LYZL6: variants seen among roughly 807,000 people sequenced by gnomAD.
LYZL6 encodes the protein lysozyme like 6.
In LYZL6, 21 loss-of-function variants were observed where a neutral mutation model predicts 15.0. The ratio of observed to expected loss-of-function variants is 1.40; its 90% CI spans 1.00 to 2.02. The LOEUF is 2.02. Ranked by LOEUF, LYZL6 falls within the 30% of genes most tolerant of loss-of-function variation. The pLI is 0.00. For missense variants in LYZL6, 173 were observed against 180.5 expected (o/e 0.96, Z 0.24); for synonymous variants, 72 against 67.8 (o/e 1.06, Z -0.31).
At chr17:35,936,154 A>G (rs2089371024) in intron 4 of LYZL6, among the ~76,000 whole-genome samples, 2 of 152,304 alleles carry the variant, frequency 1.3e-5, no homozygotes, top group South Asian at 4.1e-4. Context: ...TTATGGCCAC[A>G]GGGCCCGAGC....
chr17:35,937,901 A>G lies in LYZL6; in HGVS notation c.155T>C (p.Phe52Ser), dbSNP rs1286928470. The G allele has an allele frequency of 6.2e-7, 1 of 1,613,940 alleles. No homozygotes were observed. The highest frequency in any genetic ancestry group is 1.7e-5 in the Admixed American group (1 of 60,032). ...TGATATGTTGAACTTGCTTTCCACA[A>G]AAGCCAGGCACAGCCCTTAGAGTAG... ...YSLSDWLCLA[F>S]VESKFNISKI... The change falls in exon 3 of 5, where the codon TTT becomes TCT. Residue 52 changes from phenylalanine (F) to serine (S), a missense_variant. Coordinates refer to ENST00000615905, the MANE Select transcript of LYZL6 (RefSeq NM_020426.4).
chr17:35,940,942 T>C (rs1039870580), intron 1 of LYZL6, among the ~76,000 whole-genome samples: 3 of 152,252 alleles, frequency 2.0e-5, no homozygotes, highest in African/African-American at 7.2e-5. Context: ...GTTGTTTCTA[T>C]TTTTGGCTAT....
At chr17:35,942,042 C>T (rs977510388) in intron 1 of LYZL6, among the ~76,000 whole-genome samples, 11 of 119,552 alleles carry the variant, frequency 9.2e-5, no homozygotes, top group East Asian at 3.5e-4. Context: ...GAGGACACAT[C>T]GCTTATGCAA....
chr17:35,936,744 G>A lies in LYZL6; in HGVS notation c.377+11C>T, dbSNP rs2089376546. 2 of 1,612,236 alleles carry A rather than the reference G, an allele frequency of 1.2e-6. No homozygotes were observed. The highest frequency in any genetic ancestry group is 1.7e-5 in the Admixed American group (1 of 60,026). On this transcript the variant is annotated intron_variant, in intron 4 of 4. Coordinates refer to ENST00000615905, the MANE Select transcript of LYZL6 (RefSeq NM_020426.4). ...GGCTCTGCCCGCTGAGTCCCACCGT[G>A]TCCTCCTCACCAGTTGTTCATCCCC...
intron 1 of LYZL6, 131 bp from the exon 2 acceptor site, chr17:35,939,689 G>T (rs1328786034): frequency 6.1e-6 from 1 of 163,858 alleles, no homozygotes; most frequent in African/African-American, 2.4e-5. Flanking sequence ...TAGAGATGGG[G>T]GTCTCACTCT....
At position 35,934,570 on chromosome 17, in the gene LYZL6, T is replaced by C. The variant is rs976996285; in HGVS notation, c.*226A>G. ...GATAAATATAAAGATTTCTTTATTG[T>C]GGTCCTCAGTTTACAAATAACAGAC... On this transcript the variant is annotated 3_prime_UTR_variant, in exon 5 of 5. Transcript: ENST00000615905. 15 of 543,276 alleles carry C rather than the reference T, an allele frequency of 2.8e-5. No individual in the cohort carries two copies. The highest frequency in any genetic ancestry group is 1.7e-4 in the African/African-American group (9 of 53,028). 33.7% of individuals were successfully genotyped at this position (543,276 alleles called of 1,614,324 possible).
intron 3 of LYZL6, among the ~76,000 whole-genome samples, chr17:35,937,084 TAG>T (rs1308316602): frequency 2.0e-5 from 3 of 152,084 alleles, no homozygotes; most frequent in Non-Finnish European, 4.4e-5. Flanking sequence ...CTAACCAGGG[TAG>T]ATAGTGGTTC....
At chr17:35,942,429 C>T (rs970785419) in intron 1 of LYZL6, among the ~76,000 whole-genome samples, 11 of 152,170 alleles carry the variant, frequency 7.2e-5, no homozygotes, top group Admixed American at 3.3e-4. Flanking sequence ...TTCCACCCGC[C>T]GCCTTCAAGT....
chr17:35,942,891 C>G (rs1187739237), intron 1 of LYZL6, among the ~76,000 whole-genome samples: 1 of 152,214 alleles, frequency 6.6e-6, no homozygotes, highest in Admixed American at 6.5e-5. Flanking sequence ...AACTCTCGCT[C>G]CCAGATAAGC....
Position 35,939,469 on chromosome 17 carries a change from T to C in LYZL6, c.-113A>G. The C allele has an allele frequency of 9.6e-7, 1 of 1,039,058 alleles. No individual in the cohort carries two copies. Among genetic ancestry groups the C allele is most frequent in the South Asian group, 1.7e-5 (1 of 58,580 alleles). 64.4% of individuals were successfully genotyped at this position (1,039,058 alleles called of 1,614,324 possible). On this transcript the variant is annotated 5_prime_UTR_variant, in exon 2 of 5. Coordinates refer to ENST00000615905, the MANE Select transcript of LYZL6 (RefSeq NM_020426.4). The stretch of plus-strand genomic sequence containing the variant: ...TCTGGAGAGGGCAGCCAGGTTTCCT[T>C]ACTCACTCACTGCTCCAACCTGGCT...
Position 35,934,770 on chromosome 17 carries a change from A to T in LYZL6, c.*26T>A, listed in dbSNP as rs182752125. On this transcript the variant is annotated 3_prime_UTR_variant, in exon 5 of 5. Transcript: ENST00000615905. ...GAGTGAGGACAGGAGTCTTGGAATG[A>T]CTCCACGGTGCACCCGCACCCTGTT... is the stretch of plus-strand genomic sequence containing the variant. The T allele has an allele frequency of 5.0e-6, 8 of 1,608,420 alleles. No individual in the cohort carries two copies. The Admixed American group carries it at 1.2e-4, about 23-fold the overall frequency.
At chr17:35,934,955 C>CAACG in intron 4 of LYZL6, 90 bp from the exon 5 acceptor site, 4 of 1,217,458 alleles carry the variant, frequency 3.3e-6, no homozygotes, top group Non-Finnish European at 4.8e-6. Context: ...GCATATGGAG[C>CAACG]AACGCCCAGA....
rs1383680733 is a variant in LYZL6 at position 35,937,744 on chromosome 17, G to C, written c.298+14C>G. The stretch of plus-strand genomic sequence containing the variant: ...GCTGCTCTCATCTCTCCCACCCTGG[G>C]GCCCTGGCCAGACCTTGACAGTCTA... On this transcript the variant is annotated intron_variant, in intron 3 of 4. Transcript: ENST00000615905. The C allele has an allele frequency of 6.2e-7, 1 of 1,611,822 alleles. No homozygotes were observed. The highest frequency in any genetic ancestry group is 1.7e-5 in the Admixed American group (1 of 59,880).
intron 4 of LYZL6, among the ~76,000 whole-genome samples, chr17:35,936,133 A>G (rs1487353921): frequency 6.6e-6 from 1 of 152,166 alleles, no homozygotes; most frequent in African/African-American, 2.4e-5. Context: ...TAAATAAAAA[A>G]ATATTGTCAA....
intron 1 of LYZL6, among the ~76,000 whole-genome samples, chr17:35,939,953 G>A (rs1421399123): frequency 6.6e-6 from 1 of 152,100 alleles, no homozygotes; most frequent in Non-Finnish European, 1.5e-5. Context: ...TTTAGAAAGA[G>A]GGCCAGGACA....
chr17:35,938,215 A>C (rs2089393731), intron 2 of LYZL6, among the ~76,000 whole-genome samples: 2 of 152,216 alleles, frequency 1.3e-5, no homozygotes, highest in South Asian at 4.1e-4. Context: ...GGTCAAACAC[A>C]GATGCTGCCT....
chr17:35,937,575 TAG>T (rs1322962645), intron 3 of LYZL6, among the ~76,000 whole-genome samples, 181 bp downstream of exon 3: 1 of 152,206 alleles, frequency 6.6e-6, no homozygotes, highest in Non-Finnish European at 1.5e-5. Flanking sequence ...AGGGACTCTA[TAG>T]AATCTCCTAA....
rs548150270 is a variant in LYZL6, at chr17:35,936,628, G to A, written c.377+127C>T. The A allele has an allele frequency of 3.7e-4, 268 of 722,786 alleles. 1 individual carries two copies. The highest frequency in any genetic ancestry group is 3.4e-3 in the African/African-American group (197 of 57,322). The allele number at this position is 722,786 out of a possible 1,614,324, so 44.8% of individuals were successfully genotyped here. On this transcript the variant is annotated intron_variant, in intron 4 of 4. Transcript: ENST00000615905. ...AACCAGATCTCAGAGTTCCAAGCCC[G>A]TCCGCTATCCCACATCTTTCTAGAC...
Position 35,934,773 on chromosome 17 carries a change from C to T in LYZL6, c.*23G>A. ...TGAGGACAGGAGTCTTGGAATGACT[C>T]CACGGTGCACCCGCACCCTGTTTCA... On this transcript the variant is annotated 3_prime_UTR_variant, in exon 5 of 5. Coordinates refer to ENST00000615905, the MANE Select transcript of LYZL6 (RefSeq NM_020426.4). The T allele has an allele frequency of 1.2e-6, 2 of 1,610,520 alleles. No homozygotes were observed. Among genetic ancestry groups the T allele is most frequent in the East Asian group, 2.2e-5 (1 of 44,852 alleles).
Sources: gnomAD v4.1 joint callset for allele counts (sites outside exome capture counted in the v4.1 genomes callset) on GRCh38, gnomAD v4.1.1 for gene constraint, MANE v1.5 for transcripts, NCBI Gene and HGNC (gene_info 2026-07-23, HGNC 2026-07-21) for gene names.